The following SMIM36 variants were observed in gnomAD, a reference collection of about 807,000 sequenced individuals.
SMIM36 encodes small integral membrane protein 36.
chr17:55,474,072 G>C (rs978418383), intron 3 of SMIM36, among the ~76,000 whole-genome samples: 1 of 151,986 alleles, frequency 6.6e-6, no homozygotes, highest in South Asian at 2.1e-4. Flanking sequence ...CCTCTCACGC[G>C]GACCCCCTTA....
At chr17:55,455,382 C>T (rs997429250) in intron 4 of SMIM36, among the ~76,000 whole-genome samples, 1 of 151,418 alleles carries the variant, frequency 6.6e-6, no homozygotes, top group African/African-American at 2.4e-5. Flanking sequence ...CCCCTCCCCA[C>T]ACTGTTGTTC....
chr17:55,513,987 CAG>C (rs1411336255), upstream of SMIM36, among the ~76,000 whole-genome samples: 1 of 152,090 alleles, frequency 6.6e-6, no homozygotes. Context: ...TTTCTATTAG[CAG>C]AGAGTTTTTT....
chr17:55,528,426 A>C, the SMIM36 span, among the ~76,000 whole-genome samples: 1 of 151,986 alleles, frequency 6.6e-6, no homozygotes, highest in Non-Finnish European at 1.5e-5. Context: ...ATCATAGCTC[A>C]CTGCAGCTTC....
intron 1 of SMIM36, among the ~76,000 whole-genome samples, chr17:55,509,178 G>T (rs759379416): frequency 3.9e-5 from 6 of 152,140 alleles, no homozygotes; most frequent in Non-Finnish European, 8.8e-5. Context: ...TGTCAAAGCT[G>T]GCAGGGCAGG....
chr17:55,497,544 C>T (rs1435600737), intron 1 of SMIM36, among the ~76,000 whole-genome samples: 2 of 152,048 alleles, frequency 1.3e-5, no homozygotes, highest in African/African-American at 2.4e-5. Flanking sequence ...GGATTACAGG[C>T]GTGAACCACT....
At chr17:55,520,126 G>A in the SMIM36 span, among the ~76,000 whole-genome samples, 3 of 152,138 alleles carry the variant, frequency 2.0e-5, no homozygotes, top group East Asian at 5.8e-4. Flanking sequence ...CACTCCAATC[G>A]TCAAAGCCAG....
rs142108610 is a variant in SMIM36, at chr17:55,450,720, C to T, written c.*532-422G>A. On this transcript the variant is annotated intron_variant, in intron 4 of 4. Coordinates refer to ENST00000636752, the Ensembl canonical transcript of SMIM36. ...GCAGCTGAGTTAGGAGACAGAGGCTCACAAGCACAAGGCAATACTGGCAGA... is the reference window on the plus strand; with the variant it reads ...GCAGCTGAGTTAGGAGACAGAGGCTTACAAGCACAAGGCAATACTGGCAGA... Among the ~76,000 whole-genome samples, 536 of 152,290 alleles carry T rather than the reference C, an allele frequency of 3.5e-3. 3 individuals carry two copies. The highest frequency in any genetic ancestry group is 6.8e-3 in the Middle Eastern group (2 of 294).
intron 1 of SMIM36, among the ~76,000 whole-genome samples, chr17:55,498,769 C>T (rs145294650): frequency 2.2e-4 from 33 of 151,784 alleles, no homozygotes; most frequent in African/African-American, 6.8e-4. Context: ...GAGGCCGAGG[C>T]GGGTGGATCA....
intron 1 of SMIM36, among the ~76,000 whole-genome samples, chr17:55,494,121 C>T (rs983750591): frequency 2.0e-5 from 3 of 152,142 alleles, no homozygotes; most frequent in African/African-American, 7.2e-5. Flanking sequence ...AATCCTCTCT[C>T]CTTTTTCCCA....
chr17:55,509,976 A>AT (rs1459228753), intron 1 of SMIM36, among the ~76,000 whole-genome samples: 1 of 152,056 alleles, frequency 6.6e-6, no homozygotes, highest in South Asian at 2.1e-4. Flanking sequence ...TGGAGATTAA[A>AT]TTTTTTATGA....
chr17:55,472,363 C>T (rs980858750), intron 3 of SMIM36, among the ~76,000 whole-genome samples: 1 of 151,778 alleles, frequency 6.6e-6, no homozygotes, highest in Non-Finnish European at 1.5e-5. Context: ...TAAAGGAATG[C>T]ATATTAACAT....
In SMIM36 at chr17:55,501,267, ATATAT is replaced by A. The variant is rs1490823149; in HGVS notation, c.*174+9607_*174+9611del. The stretch of plus-strand genomic sequence containing the variant: ...ATAGTATTATATTTTATATTTTATA[ATATAT>A]TATATTATATATTATATTTTATAAT... On this transcript the variant is annotated intron_variant, in intron 1 of 4. Transcript: ENST00000636752. 2.2e-3 allele frequency among the ~76,000 whole-genome samples: 81 copies of A among 36,112 alleles called. 2 individuals are homozygous for A. The highest frequency in any genetic ancestry group is 4.0e-3 in the East Asian group (7 of 1,770). 23.7% of individuals were successfully genotyped at this position (36,112 alleles called of 152,430 possible). A position where few individuals can be genotyped will look rare whatever the true frequency, so the allele number is the denominator to read the frequency against.
At chr17:55,508,752 G>T (rs1598459561) in intron 1 of SMIM36, among the ~76,000 whole-genome samples, 1 of 151,508 alleles carries the variant, frequency 6.6e-6, no homozygotes, top group Non-Finnish European at 1.5e-5. Flanking sequence ...GTGAAACCCC[G>T]TGTCTACTAA....
intron 1 of SMIM36, among the ~76,000 whole-genome samples, chr17:55,500,119 T>TA (rs1372148462): frequency 7.9e-5 from 12 of 151,476 alleles, no homozygotes; most frequent in Admixed American, 2.6e-4. Context: ...TGCTGGTAAT[T>TA]AAAAAAAATT....
intron 4 of SMIM36, among the ~76,000 whole-genome samples, chr17:55,453,606 A>G (rs1908964156): frequency 6.6e-6 from 1 of 152,226 alleles, no homozygotes; most frequent in Non-Finnish European, 1.5e-5. Context: ...ATTGGTGTAC[A>G]TAGAGTGGAT....
the SMIM36 span, among the ~76,000 whole-genome samples, chr17:55,516,684 A>G: frequency 6.6e-6 from 1 of 150,792 alleles, no homozygotes; most frequent in African/African-American, 2.4e-5. Flanking sequence ...TCAGCCCCCT[A>G]AGTAGCTGGG....
intron 1 of SMIM36, among the ~76,000 whole-genome samples, chr17:55,489,860 G>GT (rs758113087): frequency 6.8e-4 from 37 of 54,142 alleles, no homozygotes; most frequent in East Asian, 1.5e-3. Context: ...GTTTTTTTTT[G>GT]TTTTTTTTTA....
At chr17:55,483,153 G>A (rs955914854) in intron 1 of SMIM36, among the ~76,000 whole-genome samples, 1 of 152,116 alleles carries the variant, frequency 6.6e-6, no homozygotes, top group Admixed American at 6.6e-5. Context: ...AGAACCAGGG[G>A]GATTTTTTGT....
At chr17:55,514,522 G>A (rs897930084), upstream of SMIM36, among the ~76,000 whole-genome samples, 9 of 152,252 alleles carry the variant, frequency 5.9e-5, no homozygotes, top group Non-Finnish European at 1.0e-4. Context: ...AGAGGCAGTG[G>A]AATTGAATGA....
Sources: gnomAD v4.1 joint callset for allele counts (sites outside exome capture counted in the v4.1 genomes callset) on GRCh38, gnomAD v4.1.1 for gene constraint, MANE v1.5 for transcripts, NCBI Gene and HGNC (gene_info 2026-07-23, HGNC 2026-07-21) for gene names.